The following CACNG8 variants were observed in gnomAD, a reference collection of about 807,000 sequenced individuals.
The protein encoded by CACNG8 is voltage-dependent calcium channel gamma-8 subunit.
CACNG8 carries 5 observed loss-of-function variants against 26.9 expected under a neutral mutation model. The observed-to-expected ratio is 0.19, with a 90% CI of 0.10 to 0.39. CACNG8 has a LOEUF of 0.39. Among genes scored for constraint, CACNG8 ranks in the 10% least tolerant of loss-of-function variants. The probability of loss-of-function intolerance (pLI) is 1.00; values close to 1 mark genes in which losing one functional copy is unlikely to be tolerated. For synonymous variants in CACNG8, 321 were observed against 296.7 expected, an observed-to-expected ratio of 1.08 and a Z score of -0.84; for missense variants, 473 against 609.4, an observed-to-expected ratio of 0.78 and a Z score of 2.36.
rs577716839 is a variant in CACNG8 at position 53,985,483 on chromosome 19, G to A, written c.*2634G>A. On this transcript the variant is annotated 3_prime_UTR_variant, in exon 4 of 4. Transcript: ENST00000270458. Reference sequence around the variant, plus strand: ...AATGTAGGAAAAGGAATACAAATCAGTGAGACGGAGAAGCGCTGAGTGAGA... The same window carrying A: ...AATGTAGGAAAAGGAATACAAATCAATGAGACGGAGAAGCGCTGAGTGAGA... 11 of 152,424 alleles carry A rather than the reference G, an allele frequency of 7.2e-5. No homozygotes were observed. The highest frequency in any genetic ancestry group is 2.6e-4 in the African/African-American group (11 of 41,550). The allele number at this position is 152,424 out of a possible 1,614,324, so 9.4% of individuals were successfully genotyped here. A position where few individuals can be genotyped will look rare whatever the true frequency, so the allele number is the denominator to read the frequency against.
intron 1 of CACNG8, among the ~76,000 whole-genome samples, chr19:53,964,815 C>CTA (rs1196526851): frequency 1.3e-5 from 2 of 152,164 alleles, no homozygotes; most frequent in African/African-American, 4.8e-5. Context: ...ATCTGCCCTG[C>CTA]TGTGTGACCA....
Position 53,988,414 on chromosome 19 carries a change from A to C in CACNG8, c.*5565A>C, listed in dbSNP as rs1409728608. The C allele has an allele frequency of 1.3e-5, 2 of 151,874 alleles. No individual in the cohort carries two copies. The highest frequency in any genetic ancestry group is 2.9e-5 in the Non-Finnish European group (2 of 68,048). The allele number at this position is 151,874 out of a possible 1,614,324, so 9.4% of individuals were successfully genotyped here. ...CAGGAGTTCGAGACCAGCCTGGCCA[A>C]TATGGTGAAACCCCGTCTCTACTAA... On this transcript the variant is annotated 3_prime_UTR_variant, in exon 4 of 4. Transcript: ENST00000270458.
rs975297438 is a variant in CACNG8, at chr19:53,989,833, A to G, written c.*6984A>G. 6.6e-6 allele frequency: 1 copy of G among 152,488 alleles called. No individual in the cohort carries two copies. Among genetic ancestry groups the G allele is most frequent in the Non-Finnish European group, 1.5e-5 (1 of 68,176 alleles). 9.4% of individuals were successfully genotyped at this position (152,488 alleles called of 1,614,324 possible). A position where few individuals can be genotyped will look rare whatever the true frequency, so the allele number is the denominator to read the frequency against. On this transcript the variant is annotated 3_prime_UTR_variant, in exon 4 of 4. Coordinates refer to ENST00000270458, the MANE Select transcript of CACNG8 (RefSeq NM_031895.6). ...TGTGCCGGGTAGAGCTGAGGATGCC[A>G]AGGTGAATTCCTCCTGTGCCTGGCC... is the stretch of plus-strand genomic sequence containing the variant.
intron 3 of CACNG8, among the ~76,000 whole-genome samples, chr19:53,981,474 T>G (rs2069367916): frequency 6.8e-6 from 1 of 147,696 alleles, no homozygotes; most frequent in Non-Finnish European, 1.5e-5. Context: ...GCTAGAGGAG[T>G]GGGGTTTATG....
chr19:53,977,401 A>G (rs2145938844), intron 1 of CACNG8, among the ~76,000 whole-genome samples: 1 of 152,314 alleles, frequency 6.6e-6, no homozygotes, highest in South Asian at 2.1e-4. Flanking sequence ...TAGAGGTGGT[A>G]AAACATTAAC....
At chr19:53,972,730 C>T (rs910554108) in intron 1 of CACNG8, among the ~76,000 whole-genome samples, 2 of 152,144 alleles carry the variant, frequency 1.3e-5, no homozygotes, top group Non-Finnish European at 2.9e-5. Context: ...CTCAATTTCC[C>T]AATGAGAGAG....
chr19:53,980,487 C>T (rs551744344), intron 3 of CACNG8, among the ~76,000 whole-genome samples: 1 of 151,738 alleles, frequency 6.6e-6, no homozygotes, highest in Non-Finnish European at 1.5e-5. Flanking sequence ...TTTGGTGGAT[C>T]CAAGAGGGGG....
intron 1 of CACNG8, among the ~76,000 whole-genome samples, chr19:53,975,185 T>C (rs2069323863): frequency 6.6e-6 from 1 of 152,048 alleles, no homozygotes; most frequent in Non-Finnish European, 1.5e-5. Flanking sequence ...CTTGACCTTG[T>C]GATCCACCCA....
At chr19:53,981,934 CG>C in intron 3 of CACNG8, 145 bp from the exon 4 acceptor site, 1 of 738,966 alleles carries the variant, frequency 1.4e-6, no homozygotes, top group South Asian at 2.6e-5. Flanking sequence ...AGATCCAGGA[CG>C]GGGGTCTAGA....
rs150221331 is a variant in CACNG8 at position 53,989,805 on chromosome 19, C to T, written c.*6956C>T. The T allele has an allele frequency of 0.011, 1,708 of 152,610 alleles. 88 individuals are homozygous for T. The highest frequency in any genetic ancestry group is 0.097 in the Admixed American group (1,484 of 15,308). 9.5% of individuals were successfully genotyped at this position (152,610 alleles called of 1,614,324 possible). Reference sequence around the variant, plus strand: ...TTTTCCAAGACTGCCTGTGACCTGGCCCTGTGCCGGGTAGAGCTGAGGATG... The same window carrying T: ...TTTTCCAAGACTGCCTGTGACCTGGTCCTGTGCCGGGTAGAGCTGAGGATG... On this transcript the variant is annotated 3_prime_UTR_variant, in exon 4 of 4. Coordinates refer to ENST00000270458, the MANE Select transcript of CACNG8 (RefSeq NM_031895.6).
chr19:53,964,051 T>C (rs976103703), intron 1 of CACNG8, among the ~76,000 whole-genome samples: 2 of 152,080 alleles, frequency 1.3e-5, no homozygotes, highest in Admixed American at 6.6e-5. Context: ...CCTCCTGCCT[T>C]GGCCTCCAAA....
At chr19:53,964,516 C>A (rs148119742) in intron 1 of CACNG8, among the ~76,000 whole-genome samples, 1 of 152,046 alleles carries the variant, frequency 6.6e-6, no homozygotes, top group Non-Finnish European at 1.5e-5. Flanking sequence ...CCTCCTTCGA[C>A]GTCTTCCTGA....
rs2069404819 is a variant in CACNG8 at position 53,985,954 on chromosome 19, G to GAGAA, written c.*3108_*3109insAAGA. 2 of 151,966 alleles carry GAGAA rather than the reference G, an allele frequency of 1.3e-5. No individual in the cohort carries two copies. The highest frequency in any genetic ancestry group is 1.3e-4 in the Admixed American group (2 of 15,218). 9.4% of individuals were successfully genotyped at this position (151,966 alleles called of 1,614,324 possible). On this transcript the variant is annotated 3_prime_UTR_variant, in exon 4 of 4. Coordinates refer to ENST00000270458, the MANE Select transcript of CACNG8 (RefSeq NM_031895.6). ...AAACAGAACGAGAGAGAGAGAGAGA[G>GAGAA]AGAGAGAAAGAATGAGGTTGAGGGT...
rs1428320800 is a variant in CACNG8 at position 53,976,399 on chromosome 19, T to G, written c.284-1747T>G. Among the ~76,000 whole-genome samples the G allele has an allele frequency of 4.6e-5, 7 of 152,186 alleles. 1 individual carries two copies. Among genetic ancestry groups the G allele is most frequent in the Admixed American group, 4.6e-4 (7 of 15,262 alleles). ...GACGTTCCAATACCTAACATTTGGC[T>G]GCCACAGCACACAAACCACATGATC... On this transcript the variant is annotated intron_variant, in intron 1 of 3. Transcript: ENST00000270458.
intron 1 of CACNG8, among the ~76,000 whole-genome samples, chr19:53,964,903 C>T (rs2069263781): frequency 6.6e-6 from 1 of 152,176 alleles, no homozygotes; most frequent in African/African-American, 2.4e-5. Flanking sequence ...CCTGATGCCC[C>T]CTTCGGCCAA....
chr19:53,987,343 T>A lies in CACNG8; in HGVS notation c.*4494T>A, dbSNP rs1384536020. 6.6e-6 allele frequency: 1 copy of A among 152,310 alleles called. No individual in the cohort carries two copies. The highest frequency in any genetic ancestry group is 1.9e-4 in the East Asian group (1 of 5,198). 9.4% of individuals were successfully genotyped at this position (152,310 alleles called of 1,614,324 possible). A position where few individuals can be genotyped will look rare whatever the true frequency, so the allele number is the denominator to read the frequency against. ...CCTCGGCCTCCCAAAATGCTGGGAT[T>A]ACAGGAGTGAGCCACTGCGCCCGGC... On this transcript the variant is annotated 3_prime_UTR_variant, in exon 4 of 4. Coordinates refer to ENST00000270458, the MANE Select transcript of CACNG8 (RefSeq NM_031895.6).
At chr19:53,974,161 T>A (rs965719964) in intron 1 of CACNG8, among the ~76,000 whole-genome samples, 1 of 152,214 alleles carries the variant, frequency 6.6e-6, no homozygotes, top group Non-Finnish European at 1.5e-5. Context: ...TTTGTCTCTA[T>A]GAATTTGATT....
intron 3 of CACNG8, 50 bp downstream of exon 3, chr19:53,980,057 CGTGTGTGT>C (rs56223082): frequency 0.057 from 63,015 of 1,103,468 alleles, 1,406 homozygotes; most frequent in South Asian, 0.11. Flanking sequence ...TGGGCGCGCA[CGTGTGTGT>C]GTGTGTGTGT....
At chr19:53,978,380 G>T in intron 2 of CACNG8, 151 bp downstream of exon 2, 1 of 625,718 alleles carries the variant, frequency 1.6e-6, no homozygotes, top group East Asian at 2.8e-5. Flanking sequence ...TCCAGATAGT[G>T]AGATCCTCTG....
Sources: gnomAD v4.1 joint callset for allele counts (sites outside exome capture counted in the v4.1 genomes callset) on GRCh38, gnomAD v4.1.1 for gene constraint, MANE v1.5 for transcripts, NCBI Gene and HGNC (gene_info 2026-07-23, HGNC 2026-07-21) for gene names.